MYO18A: variants seen among roughly 807,000 people sequenced by gnomAD.
The protein encoded by MYO18A is myosin XVIIIA.
Under a neutral mutation model 235.8 loss-of-function variants are expected in MYO18A, and 78 were observed. That is an observed-to-expected ratio of 0.33 (90% CI 0.28 to 0.40). The LOEUF (loss-of-function observed/expected upper bound fraction) is 0.40, where lower values mean the gene tolerates loss of function less well. Among genes scored for constraint, MYO18A ranks in the 10% least tolerant of loss-of-function variants. The pLI is 1.00. For synonymous variants in MYO18A, 977 were observed against 1,077.8 expected (o/e 0.91, Z 1.83); for missense variants, 2,215 against 2,699.3 (o/e 0.82, Z 3.98).
At chr17:29,098,042 G>T in intron 25 of MYO18A, 63 bp downstream of exon 25, 1 of 1,595,558 alleles carries the variant, frequency 6.3e-7, no homozygotes. Flanking sequence ...TTTGGGGGGA[G>T]CCAATGGGCA....
At chr17:29,089,712 T>C (rs550175488) in intron 37 of MYO18A, among the ~76,000 whole-genome samples, 2 of 152,236 alleles carry the variant, frequency 1.3e-5, no homozygotes, top group African/African-American at 4.8e-5. Context: ...GACGAAGAGC[T>C]AAGCTGCTCT....
chr17:29,151,981 C>G lies in MYO18A; in HGVS notation c.999+13961G>C, dbSNP rs181238356. Among the ~76,000 whole-genome samples the G allele has an allele frequency of 3.9e-5, 6 of 152,322 alleles. No individual in the cohort carries two copies. The East Asian group carries it at 1.2e-3, about 29-fold the overall frequency. On this transcript the variant is annotated intron_variant, in intron 2 of 41. Coordinates refer to ENST00000527372, the MANE Select transcript of MYO18A (RefSeq NM_078471.4). ...GGTGGAGAATGGACTCTGGACATAT[C>G]TGACATGCTGGAGAGGAGGCTCAGA...
At chr17:29,145,950 A>G (rs992805231) in intron 2 of MYO18A, among the ~76,000 whole-genome samples, 1 of 152,182 alleles carries the variant, frequency 6.6e-6, no homozygotes, top group African/African-American at 2.4e-5. Context: ...GTGAAGAAGT[A>G]GTGTAAGAGA....
intron 2 of MYO18A, among the ~76,000 whole-genome samples, chr17:29,135,646 G>A (rs1284188255): frequency 6.6e-6 from 1 of 152,192 alleles, no homozygotes; most frequent in African/African-American, 2.4e-5. Context: ...AGGACACCGG[G>A]CCATTTCCAC....
Position 29,121,481 on chromosome 17 carries a change from A to G in MYO18A, c.1371+66T>C. Reference sequence around the variant, plus strand: ...GGAGCCCAGTGGGGTGCCACAGGGGAAGGGCAGAGAGCCAGGGCAGGGGGT... The same window carrying G: ...GGAGCCCAGTGGGGTGCCACAGGGGGAGGGCAGAGAGCCAGGGCAGGGGGT... On this transcript the variant is annotated intron_variant, in intron 5 of 41. Coordinates refer to ENST00000527372, the MANE Select transcript of MYO18A (RefSeq NM_078471.4). The surrounding 1 kb of genome is among the most constrained non-coding windows in gnomAD (Gnocchi z 4.2). 1 of 1,474,440 alleles carries G rather than the reference A, an allele frequency of 6.8e-7. No individual in the cohort carries two copies. The highest frequency in any genetic ancestry group is 9.1e-7 in the Non-Finnish European group (1 of 1,100,424). 91.3% of individuals were successfully genotyped at this position (1,474,440 alleles called of 1,614,324 possible).
At chr17:29,105,474 T>G (rs1228916047) in intron 20 of MYO18A, among the ~76,000 whole-genome samples, 1 of 151,800 alleles carries the variant, frequency 6.6e-6, no homozygotes, top group Non-Finnish European at 1.5e-5. Context: ...GAATTCACAC[T>G]GATGGAATGG....
At position 29,074,879 on chromosome 17, in the gene MYO18A, CGAT is replaced by C. The variant is rs760112153; in HGVS notation, c.6053_6055del (p.Asp2018_Arg2019delinsGly). 1 of 1,613,820 alleles carries C rather than the reference CGAT, an allele frequency of 6.2e-7. No homozygotes were observed. The highest frequency in any genetic ancestry group is 1.7e-5 in the Admixed American group (1 of 60,002). ...GAGAGGGTCGTGCTCATCATCTGAC[CGAT>C]CAGGGGCAAGGGACTTCCAGTAGCT... On this transcript the variant is annotated inframe_deletion, in exon 42 of 42. Coordinates refer to ENST00000527372, the MANE Select transcript of MYO18A (RefSeq NM_078471.4). This position sits in a 1 kb window ranked among gnomAD's most constrained non-coding sequence, Gnocchi z 4.4.
At position 29,092,470 on chromosome 17, in the gene MYO18A, AC is replaced by A; in HGVS notation, c.5074-15del. 4.4e-6 allele frequency: 7 copies of A among 1,591,004 alleles called. No individual in the cohort carries two copies. Among genetic ancestry groups the A allele is most frequent in the South Asian group, 1.1e-5 (1 of 89,420 alleles). On this transcript the variant is annotated splice_polypyrimidine_tract_variant and intron_variant, in intron 33 of 41. Coordinates refer to ENST00000527372, the MANE Select transcript of MYO18A (RefSeq NM_078471.4). ...TGACTCCTCCAGCTGGACACAGACC[AC>A]CCCCGCCCCAGGGAGAGATGTCAGC... is the stretch of plus-strand genomic sequence containing the variant.
chr17:29,086,829 G>A, intron 38 of MYO18A, 107 bp downstream of exon 38: 1 of 1,322,608 alleles, frequency 7.6e-7, no homozygotes, highest in Non-Finnish European at 1.0e-6. Flanking sequence ...TCTGACTCAT[G>A]TGCAGTTTCT....
intron 11 of MYO18A, among the ~76,000 whole-genome samples, 170 bp downstream of exon 11, chr17:29,116,274 T>C (rs1445822050): frequency 6.6e-6 from 1 of 152,102 alleles, no homozygotes; most frequent in African/African-American, 2.4e-5. Flanking sequence ...CCCTCCCTCT[T>C]GCCCCCTGGC....
intron 28 of MYO18A, among the ~76,000 whole-genome samples, chr17:29,095,773 AC>A (rs2066505169): frequency 6.6e-6 from 1 of 152,130 alleles, no homozygotes; most frequent in South Asian, 2.1e-4. Context: ...TGCTCCCCTT[AC>A]CCCAACTCCA....
intron 2 of MYO18A, among the ~76,000 whole-genome samples, chr17:29,146,886 C>T (rs1320076640): frequency 3.3e-5 from 5 of 152,176 alleles, no homozygotes; most frequent in South Asian, 2.1e-4. Context: ...GTTACTCTCA[C>T]CTGAAAGAGC....
At chr17:29,129,342 C>T (rs888635121) in intron 2 of MYO18A, among the ~76,000 whole-genome samples, 1 of 152,184 alleles carries the variant, frequency 6.6e-6, no homozygotes, top group African/African-American at 2.4e-5. Flanking sequence ...CCCCCTAGTT[C>T]CCAGAGTGTG....
chr17:29,165,221 T>C (rs1043453978), intron 2 of MYO18A, among the ~76,000 whole-genome samples: 3 of 152,222 alleles, frequency 2.0e-5, no homozygotes, highest in Non-Finnish European at 2.9e-5. Context: ...AGATGTTCCA[T>C]GACGGCCCTA....
At chr17:29,084,009 T>C (rs1171392472) in intron 40 of MYO18A, among the ~76,000 whole-genome samples, 1 of 152,250 alleles carries the variant, frequency 6.6e-6, no homozygotes. Flanking sequence ...ATAACAACTG[T>C]ATCTCTAAGT....
At chr17:29,110,377 C>T in intron 18 of MYO18A, 59 bp downstream of exon 18, 1 of 1,503,886 alleles carries the variant, frequency 6.6e-7, no homozygotes, top group Non-Finnish European at 8.9e-7. Flanking sequence ...CCCAGGCCTG[C>T]CTACCAGGGG....
At position 29,106,400 on chromosome 17, in the gene MYO18A, T is replaced by A. The variant is rs547090745; in HGVS notation, c.3441+680A>T. 7.4e-4 allele frequency among the ~76,000 whole-genome samples: 113 copies of A among 152,304 alleles called. No homozygotes were observed. Among genetic ancestry groups the A allele is most frequent in the Admixed American group, 4.9e-3 (75 of 15,304 alleles). On this transcript the variant is annotated intron_variant, in intron 20 of 41. Coordinates refer to ENST00000527372, the MANE Select transcript of MYO18A (RefSeq NM_078471.4). The surrounding 1 kb of genome is among the most constrained non-coding windows in gnomAD (Gnocchi z 4.6). The stretch of plus-strand genomic sequence containing the variant: ...ACACACAGAGGCAGGCTGGGCACTC[T>A]GTGGGCTTTCTGCCCCATTCTGCAG...
chr17:29,159,961 C>T (rs1053433384), intron 2 of MYO18A, among the ~76,000 whole-genome samples: 4 of 152,130 alleles, frequency 2.6e-5, no homozygotes, highest in African/African-American at 9.7e-5. Flanking sequence ...CTTCAGATGG[C>T]GTCTATAAGG....
intron 20 of MYO18A, among the ~76,000 whole-genome samples, chr17:29,104,288 G>A (rs933440940): frequency 3.3e-5 from 5 of 152,204 alleles, no homozygotes; most frequent in African/African-American, 4.8e-5. Context: ...AGGGAGGCTA[G>A]AGCCTGGCCC....
Sources: allele counts gnomAD v4.1 joint callset (sites outside exome capture counted in the v4.1 genomes callset), GRCh38; gene constraint gnomAD v4.1.1; non-coding constraint Gnocchi (gnomAD v3.1); transcripts MANE v1.5; gene names NCBI Gene and HGNC (gene_info 2026-07-23, HGNC 2026-07-21).